MAP2: variants seen among roughly 807,000 people sequenced by gnomAD.
MAP2 encodes microtubule associated protein 2, also known as microtubule-associated protein 2.
MAP2 carries 14 observed loss-of-function variants against 137.6 expected under a neutral mutation model. The observed-to-expected ratio is 0.10, with a 90% CI of 0.07 to 0.16. The LOEUF (loss-of-function observed/expected upper bound fraction) is 0.16. Ranked by LOEUF, MAP2 falls within the 10% of genes least tolerant of loss-of-function variation. The pLI is 1.00. For missense variants in MAP2, 2,088 were observed against 2,191.5 expected (o/e 0.95, Z 0.94); for synonymous variants, 786 against 782.3 (o/e 1.00, Z -0.08).
At chr2:209,668,633 A>G (rs1330864975) in intron 5 of MAP2, among the ~76,000 whole-genome samples, 1 of 152,040 alleles carries the variant, frequency 6.6e-6, no homozygotes, top group Non-Finnish European at 1.5e-5. Context: ...CAAATATGAC[A>G]TTGACCTTAC....
rs150116230 is a variant in MAP2 at position 209,696,005 on chromosome 2, G to C, written c.3835G>C (p.Gly1279Arg). Residue 1279 changes from glycine (G) to arginine (R), a missense_variant, in exon 8 of 16, where the codon GGA becomes CGA. Around this residue, in one of 6 missense-constraint regions of MAP2, gnomAD observed 591 missense variants for 642.6 expected, o/e 0.92. Coordinates refer to ENST00000682079, the MANE Select transcript of MAP2 (RefSeq NM_001375505.1). ...FVETCPSEHK[G>R]VIESVVTIED... is the part of the protein sequence containing the mutation. ...GGAGACCTGCCCAAGTGAACACAAA[G>C]GAGTGATTGAGTCTGTTGTGACCAT... 6.2e-5 allele frequency: 100 copies of C among 1,614,030 alleles called. No individual in the cohort carries two copies. Among genetic ancestry groups the C allele is most frequent in the Non-Finnish European group, 8.5e-5 (100 of 1,180,036 alleles).
At chr2:209,429,108 C>T (rs1314849465) in intron 1 of MAP2, among the ~76,000 whole-genome samples, 3 of 151,946 alleles carry the variant, frequency 2.0e-5, no homozygotes, top group Non-Finnish European at 2.9e-5. Flanking sequence ...CGCCCGCCAC[C>T]GCTCCCGGCT....
intron 1 of MAP2, among the ~76,000 whole-genome samples, chr2:209,505,034 A>G (rs2060862769): frequency 6.6e-6 from 1 of 150,714 alleles, no homozygotes; most frequent in Non-Finnish European, 1.5e-5. Flanking sequence ...TTAGAGACAT[A>G]TTTTTTCTTC....
intron 3 of MAP2, among the ~76,000 whole-genome samples, chr2:209,588,916 A>G (rs1217117384): frequency 2.6e-5 from 4 of 152,190 alleles, no homozygotes; most frequent in Non-Finnish European, 4.4e-5. Context: ...TAAAAATCAT[A>G]CAAGAACTCA....
chr2:209,435,998 T>TGTATATATTATATATA lies in MAP2; in HGVS notation c.-222+11722_-222+11723insGTATATATTATATATA, dbSNP rs1559159517. ...AATATATACAGTATATATTATATAC[T>TGTATATATTATATATA]ATATATACAGTATATATTATATATA... On this transcript the variant is annotated intron_variant, in intron 1 of 15. Coordinates refer to ENST00000682079, the MANE Select transcript of MAP2 (RefSeq NM_001375505.1). Among the ~76,000 whole-genome samples the TGTATATATTATATATA allele has an allele frequency of 8.7e-3, 774 of 88,678 alleles. 49 individuals carry two copies. Among genetic ancestry groups the TGTATATATTATATATA allele is most frequent in the African/African-American group, 0.015 (232 of 15,926 alleles). 58.2% of individuals were successfully genotyped at this position (88,678 alleles called of 152,430 possible).
intron 1 of MAP2, among the ~76,000 whole-genome samples, chr2:209,478,551 A>C (rs899255880): frequency 6.6e-6 from 1 of 152,194 alleles, no homozygotes; most frequent in Non-Finnish European, 1.5e-5. Context: ...GTAAGAGATA[A>C]CATAGTTGTG....
Position 209,692,984 on chromosome 2 carries a change from G to A in MAP2, c.814G>A (p.Glu272Lys), listed in dbSNP as rs1453983488. 4 of 1,611,446 alleles carry A rather than the reference G, an allele frequency of 2.5e-6. No individual in the cohort carries two copies. The highest frequency in any genetic ancestry group is 3.4e-5 in the Admixed American group (2 of 59,312). Reference sequence around the variant, plus strand: ...GGACTGGTTCATCGAAATGCCAACGGAAGCAAAAAAGGATGAGTGGGGTTT... The same window carrying A: ...GGACTGGTTCATCGAAATGCCAACGAAAGCAAAAAAGGATGAGTGGGGTTT... ...QKDWFIEMPT[E>K]AKKDEWGLVA... is the part of the protein sequence containing the mutation. The change falls in exon 8 of 16, where the codon GAA (glutamate) becomes AAA (lysine). Residue 272 changes from glutamate (E) to lysine (K), a missense_variant. By Grantham distance (56) the Glu-to-Lys change is moderately conservative. This residue lies in a region of MAP2 where 859 missense variants were observed against 794.5 expected (regional missense o/e 1.08). Coordinates refer to ENST00000682079, the MANE Select transcript of MAP2 (RefSeq NM_001375505.1).
At chr2:209,547,131 G>A (rs911756353) in intron 2 of MAP2, among the ~76,000 whole-genome samples, 6 of 151,870 alleles carry the variant, frequency 4.0e-5, no homozygotes, top group Admixed American at 6.6e-5. Context: ...GCATTGATGC[G>A]TCCCCTAAAA....
chr2:209,437,064 C>A (rs567110811), intron 1 of MAP2, among the ~76,000 whole-genome samples: 2 of 151,742 alleles, frequency 1.3e-5, no homozygotes, highest in Admixed American at 6.6e-5. Flanking sequence ...CAAATTAGGA[C>A]AGATTGCATT....
At chr2:209,679,170 A>G (rs2153685028) in intron 6 of MAP2, among the ~76,000 whole-genome samples, 1 of 152,124 alleles carries the variant, frequency 6.6e-6, no homozygotes, top group African/African-American at 2.4e-5. Context: ...ATCTTATATG[A>G]AGTACTGAAC....
At chr2:209,438,655 C>T (rs971019165) in intron 1 of MAP2, among the ~76,000 whole-genome samples, 3 of 151,308 alleles carry the variant, frequency 2.0e-5, no homozygotes, top group Non-Finnish European at 4.4e-5. Flanking sequence ...TGGTTTAGGC[C>T]AAGGCACATC....
Position 209,693,971 on chromosome 2 carries a change from A to G in MAP2, c.1801A>G (p.Ser601Gly), listed in dbSNP as rs1371848528. ...DYYELSDTRESVHESIDTMSP... is the reference protein window; with the variant it reads ...DYYELSDTREGVHESIDTMSP... ...CTATGAACTGAGTGACACTAGAGAA[A>G]GTGTCCATGAGTCTATTGATACCAT... The change falls in exon 8 of 16, where the codon AGT becomes GGT. Residue 601 changes from serine (S) to glycine (G), a missense_variant. Ser to Gly is a moderately conservative substitution (Grantham distance 56, BLOSUM62 0). Transcript: ENST00000682079. 1.9e-6 allele frequency: 3 copies of G among 1,613,946 alleles called. No individual in the cohort carries two copies. Among genetic ancestry groups the G allele is most frequent in the Non-Finnish European group, 1.7e-6 (2 of 1,179,962 alleles).
At chr2:209,562,251 C>A (rs2072285836) in intron 2 of MAP2, among the ~76,000 whole-genome samples, 1 of 152,114 alleles carries the variant, frequency 6.6e-6, no homozygotes, top group African/African-American at 2.4e-5. Context: ...TGGGATTTAT[C>A]ATAATGCCCA....
intron 2 of MAP2, among the ~76,000 whole-genome samples, chr2:209,571,123 G>A (rs957750770): frequency 1.3e-5 from 2 of 151,826 alleles, no homozygotes; most frequent in Non-Finnish European, 2.9e-5. Context: ...TATTTACACA[G>A]CCATGGTTAC....
intron 11 of MAP2, among the ~76,000 whole-genome samples, chr2:209,703,521 A>G (rs2062388271): frequency 6.6e-6 from 1 of 152,162 alleles, no homozygotes; most frequent in Non-Finnish European, 1.5e-5. Flanking sequence ...GAATCCAAAA[A>G]GAATATTTTA....
intron 7 of MAP2, among the ~76,000 whole-genome samples, chr2:209,682,872 C>T (rs1266289270): frequency 6.6e-6 from 1 of 152,070 alleles, no homozygotes; most frequent in African/African-American, 2.4e-5. Flanking sequence ...AGCGGGAAGC[C>T]TGACATGACC....
chr2:209,433,595 C>G (rs1326957473), intron 1 of MAP2, among the ~76,000 whole-genome samples: 4 of 152,030 alleles, frequency 2.6e-5, no homozygotes, highest in Non-Finnish European at 5.9e-5. Flanking sequence ...TAAAAGCTTT[C>G]AAAGATTAAT....
In MAP2 at chr2:209,528,860, ATG is replaced by A. The variant is rs527975967; in HGVS notation, c.-172+21227_-172+21228del. On this transcript the variant is annotated intron_variant, in intron 2 of 15. Transcript: ENST00000682079. ...TATGTATATATATGTGTGTGTGTAT[ATG>A]TGTGTGTATATGTATATATGTGTGT... Among the ~76,000 whole-genome samples the A allele has an allele frequency of 3.3e-4, 49 of 150,076 alleles. 1 individual carries two copies. Among genetic ancestry groups the A allele is most frequent in the East Asian group, 1.8e-3 (9 of 5,110 alleles).
intron 4 of MAP2, among the ~76,000 whole-genome samples, chr2:209,635,405 T>C (rs2093463298): frequency 6.6e-6 from 1 of 151,872 alleles, no homozygotes. Flanking sequence ...AAATGAAGAG[T>C]AAAATTATAA....
Sources: gnomAD v4.1 joint callset for allele counts (sites outside exome capture counted in the v4.1 genomes callset) on GRCh38, gnomAD v4.1.1 for gene constraint, gnomAD v4.1.1 regional missense constraint, MANE v1.5 for transcripts, NCBI Gene and HGNC (gene_info 2026-07-23, HGNC 2026-07-21) for gene names.